Variants in PTPRD observed in about 807,000 individuals in gnomAD.
PTPRD encodes receptor-type tyrosine-protein phosphatase delta.
Under a neutral mutation model 214.5 loss-of-function variants are expected in PTPRD, and 34 were observed. The observed-to-expected ratio is 0.16, with a 90% CI of 0.12 to 0.21. The LOEUF is 0.21. PTPRD is among the 10% of genes least tolerant of loss of function. PTPRD has a pLI of 1.00. For synonymous variants in PTPRD, 1,128 were observed against 845.7 expected (o/e 1.33, Z -5.79); for missense variants, 2,545 against 2,398.7 (o/e 1.06, Z -1.27).
chr9:8,467,359 A>G (rs1047293413), intron 31 of PTPRD, among the ~76,000 whole-genome samples: 2 of 151,830 alleles, frequency 1.3e-5, no homozygotes, highest in African/African-American at 2.4e-5. Flanking sequence ...AGCTTTACTT[A>G]TAATACTGAT....
At chr9:8,417,295 C>T (rs1461805251) in intron 35 of PTPRD, among the ~76,000 whole-genome samples, 1 of 152,124 alleles carries the variant, frequency 6.6e-6, no homozygotes, top group Non-Finnish European at 1.5e-5. Context: ...CTGGTTTCTA[C>T]ACACCCAACA....
chr9:8,412,434 C>T (rs2093605181), intron 35 of PTPRD, among the ~76,000 whole-genome samples: 1 of 152,156 alleles, frequency 6.6e-6, no homozygotes, highest in Non-Finnish European at 1.5e-5. Flanking sequence ...TAATTCACAG[C>T]TGCATCCTTT....
At chr9:10,347,202 T>C (rs1440474039) in intron 2 of PTPRD, among the ~76,000 whole-genome samples, 1 of 152,096 alleles carries the variant, frequency 6.6e-6, no homozygotes, top group Non-Finnish European at 1.5e-5. Flanking sequence ...TGTTATTCAA[T>C]GGGGCTAGTC....
chr9:8,741,086 T>A (rs1424075033), intron 11 of PTPRD, among the ~76,000 whole-genome samples: 14 of 152,158 alleles, frequency 9.2e-5, no homozygotes, highest in Admixed American at 9.2e-4. Context: ...TGGCTTTACA[T>A]TGGAAGCACA....
intron 5 of PTPRD, among the ~76,000 whole-genome samples, chr9:9,868,849 T>A (rs979277186): frequency 6.6e-6 from 1 of 152,106 alleles, no homozygotes; most frequent in Admixed American, 6.6e-5. Flanking sequence ...TAAAAGTTGA[T>A]AGAGAAACTT....
At chr9:8,347,092 A>G (rs4105731) in intron 39 of PTPRD, among the ~76,000 whole-genome samples, 137,960 of 151,964 alleles carry the variant, frequency 0.91, 62,674 homozygotes, top group African/African-American at 0.94. Flanking sequence ...CTGCGGATAG[A>G]GGGGGACTAC....
At chr9:10,465,737 ATAGCC>A (rs2131479252) in intron 2 of PTPRD, among the ~76,000 whole-genome samples, 1 of 152,348 alleles carries the variant, frequency 6.6e-6, no homozygotes, top group South Asian at 2.1e-4. Flanking sequence ...GCTATGCCAT[ATAGCC>A]TAGGTGTGTA....
chr9:10,335,910 A>AT (rs1168624531), intron 3 of PTPRD, among the ~76,000 whole-genome samples: 5 of 151,926 alleles, frequency 3.3e-5, no homozygotes, highest in South Asian at 2.1e-4. Context: ...TACTTATTAG[A>AT]ATGGCCAAAA....
chr9:10,114,919 A>C (rs1337813337), intron 3 of PTPRD, among the ~76,000 whole-genome samples: 1 of 151,902 alleles, frequency 6.6e-6, no homozygotes, highest in Non-Finnish European at 1.5e-5. Flanking sequence ...AAATTTTCTA[A>C]GGAATTATAG....
chr9:9,102,291 T>C (rs1161184340), intron 10 of PTPRD, among the ~76,000 whole-genome samples: 1 of 152,248 alleles, frequency 6.6e-6, no homozygotes. Flanking sequence ...GAGGCAATTA[T>C]GATGTGTCTA....
At chr9:8,863,862 G>T (rs1223505325) in intron 11 of PTPRD, among the ~76,000 whole-genome samples, 7 of 152,124 alleles carry the variant, frequency 4.6e-5, no homozygotes, top group African/African-American at 1.7e-4. Flanking sequence ...CAGTAGGAAA[G>T]GCAGAGCTGA....
At chr9:9,707,836 C>A (rs900033612) in intron 7 of PTPRD, among the ~76,000 whole-genome samples, 2 of 151,904 alleles carry the variant, frequency 1.3e-5, no homozygotes, top group Non-Finnish European at 2.9e-5. Context: ...GTTATTTGTC[C>A]ACACAATCAA....
chr9:10,420,413 T>C (rs916244885), intron 2 of PTPRD, among the ~76,000 whole-genome samples: 1 of 151,872 alleles, frequency 6.6e-6, no homozygotes, highest in African/African-American at 2.4e-5. Context: ...CACCTTGACT[T>C]AGAGATTAGA....
intron 6 of PTPRD, among the ~76,000 whole-genome samples, chr9:9,751,964 G>A (rs1469182942): frequency 6.6e-6 from 1 of 152,050 alleles, no homozygotes; most frequent in Non-Finnish European, 1.5e-5. Flanking sequence ...GGGATATTTT[G>A]AAACATAACC....
chr9:10,297,204 G>C (rs527700969), intron 3 of PTPRD, among the ~76,000 whole-genome samples: 34 of 150,774 alleles, frequency 2.3e-4, no homozygotes, highest in African/African-American at 8.0e-4. Context: ...GTATACATGT[G>C]CCATGTTGTG....
At chr9:9,445,119 T>C (rs1038346429) in intron 8 of PTPRD, among the ~76,000 whole-genome samples, 3 of 152,180 alleles carry the variant, frequency 2.0e-5, no homozygotes, top group African/African-American at 4.8e-5. Flanking sequence ...ACAAGTTTAG[T>C]TGATGGATCC....
Position 8,330,940 on chromosome 9 carries a change from T to G in PTPRD, c.5534+642A>C, listed in dbSNP as rs1270044144. Among the ~76,000 whole-genome samples, 5 of 152,068 alleles carry G rather than the reference T, an allele frequency of 3.3e-5. No individual in the cohort carries two copies. The East Asian group carries it at 9.6e-4, about 29-fold the overall frequency. On this transcript the variant is annotated intron_variant, in intron 44 of 45. Coordinates refer to ENST00000381196, the MANE Select transcript of PTPRD (RefSeq NM_002839.4). The stretch of plus-strand genomic sequence containing the variant: ...TAGATGAATTGCTTTTGTTAGAAGG[T>G]TTTTGCATAGCAACTTCCAAAAACA...
intron 2 of PTPRD, among the ~76,000 whole-genome samples, chr9:10,457,618 G>T (rs2098928175): frequency 6.6e-6 from 1 of 151,870 alleles, no homozygotes; most frequent in Non-Finnish European, 1.5e-5. Context: ...ACTATTACTG[G>T]ATCAAAGAGA....
At chr9:9,272,543 T>G (rs1183592651) in intron 9 of PTPRD, among the ~76,000 whole-genome samples, 1 of 151,274 alleles carries the variant, frequency 6.6e-6, no homozygotes, top group Non-Finnish European at 1.5e-5. Context: ...AGGACAACTT[T>G]AAATGGGGGC....
Sources: allele counts gnomAD v4.1 joint callset (sites outside exome capture counted in the v4.1 genomes callset), GRCh38; gene constraint gnomAD v4.1.1; transcripts MANE v1.5; gene names NCBI Gene and HGNC (gene_info 2026-07-23, HGNC 2026-07-21).